NLGN1: variants seen among roughly 807,000 people sequenced by gnomAD.
NLGN1 encodes neuroligin 1.
A neutral mutation model predicts 65.5 loss-of-function variants in NLGN1; 12 were observed. The ratio of observed to expected loss-of-function variants is 0.18; its 90% CI spans 0.12 to 0.30. The LOEUF (loss-of-function observed/expected upper bound fraction) is 0.30. Ranked by LOEUF, NLGN1 falls within the 10% of genes least tolerant of loss-of-function variation. The pLI is 1.00. For missense variants in NLGN1, 750 were observed against 1,007.1 expected (o/e 0.74, Z 3.46); for synonymous variants, 350 against 359.5 (o/e 0.97, Z 0.30).
intron 4 of NLGN1, among the ~76,000 whole-genome samples, chr3:174,245,596 A>AATAG (rs941713184): frequency 2.0e-5 from 3 of 152,186 alleles, no homozygotes; most frequent in Non-Finnish European, 4.4e-5. Flanking sequence ...ACAGTAACCA[A>AATAG]ATAGATACAT....
chr3:174,000,202 C>A (rs1004743963), intron 4 of NLGN1, among the ~76,000 whole-genome samples: 2 of 152,030 alleles, frequency 1.3e-5, no homozygotes, highest in African/African-American at 4.8e-5. Context: ...TTTCCAGGTT[C>A]CATTTTTTTA....
intron 3 of NLGN1, among the ~76,000 whole-genome samples, chr3:173,732,873 C>G (rs1291460274): frequency 6.6e-6 from 1 of 151,796 alleles, no homozygotes; most frequent in Non-Finnish European, 1.5e-5. Context: ...TTGAAAGTTT[C>G]ATGTATTATA....
intron 3 of NLGN1, among the ~76,000 whole-genome samples, chr3:173,702,267 A>G (rs953255872): frequency 6.6e-6 from 1 of 151,666 alleles, no homozygotes; most frequent in Non-Finnish European, 1.5e-5. Context: ...AAGAGTTTTC[A>G]AGTGTAATAA....
At chr3:174,022,782 T>G (rs1728017049) in intron 4 of NLGN1, among the ~76,000 whole-genome samples, 1 of 152,096 alleles carries the variant, frequency 6.6e-6, no homozygotes. Context: ...CCCAAGAGCC[T>G]TTGAATCTGC....
chr3:173,432,602 A>T (rs139909205), intron 1 of NLGN1, among the ~76,000 whole-genome samples: 7 of 152,024 alleles, frequency 4.6e-5, no homozygotes, highest in Admixed American at 3.3e-4. Context: ...GAGTTTTAAG[A>T]GTTCCTTGTA....
intron 3 of NLGN1, among the ~76,000 whole-genome samples, chr3:173,667,021 A>G (rs1049191250): frequency 2.6e-5 from 4 of 152,146 alleles, no homozygotes; most frequent in Non-Finnish European, 5.9e-5. Flanking sequence ...AAAAGAATAA[A>G]CATAATCACA....
intron 3 of NLGN1, among the ~76,000 whole-genome samples, chr3:173,693,240 C>T (rs1205024707): frequency 2.0e-5 from 3 of 151,860 alleles, no homozygotes; most frequent in Non-Finnish European, 4.4e-5. Context: ...TAAAGTTAGT[C>T]CTTCATGTAT....
In NLGN1 at chr3:173,925,194, A is replaced by G. The variant is rs142642758; in HGVS notation, c.646+117362A>G. The stretch of plus-strand genomic sequence containing the variant: ...GAAATTCACATTTGTAGATGTTAGT[A>G]ATGTTATCCATTTTTAAGTACTTAA... On this transcript the variant is annotated intron_variant, in intron 4 of 6. Coordinates refer to ENST00000457714, the Ensembl canonical transcript of NLGN1. Among the ~76,000 whole-genome samples the G allele has an allele frequency of 3.3e-3, 496 of 152,278 alleles. 2 individuals are homozygous for G. Among genetic ancestry groups the G allele is most frequent in the African/African-American group, 0.011 (467 of 41,560 alleles).
At chr3:173,512,430 C>T (rs1733127934) in intron 2 of NLGN1, among the ~76,000 whole-genome samples, 1 of 152,066 alleles carries the variant, frequency 6.6e-6, no homozygotes, top group Non-Finnish European at 1.5e-5. Context: ...GAAGTCAAGC[C>T]ACCTCTCTCC....
intron 4 of NLGN1, among the ~76,000 whole-genome samples, chr3:174,067,920 C>T (rs566077037): frequency 6.6e-6 from 1 of 152,300 alleles, no homozygotes; most frequent in African/African-American, 2.4e-5. Flanking sequence ...ATCTGTTCTA[C>T]GAATAGCATA....
At chr3:173,462,134 C>T (rs1723513124) in intron 2 of NLGN1, among the ~76,000 whole-genome samples, 1 of 152,142 alleles carries the variant, frequency 6.6e-6, no homozygotes, top group African/African-American at 2.4e-5. Flanking sequence ...CTATAAAAGT[C>T]TTTCAAAGCT....
chr3:173,738,577 C>A (rs564737775), intron 3 of NLGN1, among the ~76,000 whole-genome samples: 1 of 152,072 alleles, frequency 6.6e-6, no homozygotes, highest in African/African-American at 2.4e-5. Context: ...TTTCTAGTTT[C>A]TTGATTCTAT....
At chr3:173,830,756 T>C (rs1016385649) in intron 4 of NLGN1, among the ~76,000 whole-genome samples, 2 of 152,188 alleles carry the variant, frequency 1.3e-5, no homozygotes, top group Non-Finnish European at 2.9e-5. Flanking sequence ...CACCCATAAA[T>C]AATACTAATG....
At chr3:174,262,877 ATG>A (rs1223238293) in intron 4 of NLGN1, among the ~76,000 whole-genome samples, 1 of 104,064 alleles carries the variant, frequency 9.6e-6, no homozygotes, top group East Asian at 2.9e-4. Flanking sequence ...AGATTCTGGT[ATG>A]TTGTGTCTTT....
intron 4 of NLGN1, among the ~76,000 whole-genome samples, chr3:174,219,494 C>A (rs984797020): frequency 6.6e-6 from 1 of 152,140 alleles, no homozygotes; most frequent in Non-Finnish European, 1.5e-5. Flanking sequence ...AGCTAAAGAT[C>A]TGATTGATAA....
chr3:174,269,374 A>G (rs1748907319), intron 4 of NLGN1, among the ~76,000 whole-genome samples: 1 of 151,800 alleles, frequency 6.6e-6, no homozygotes, highest in Non-Finnish European at 1.5e-5. Flanking sequence ...CACCTTTCTA[A>G]TATCTGTTTC....
chr3:174,201,798 T>TAA (rs1478962402), intron 4 of NLGN1, among the ~76,000 whole-genome samples: 1 of 152,182 alleles, frequency 6.6e-6, no homozygotes, highest in Non-Finnish European at 1.5e-5. Flanking sequence ...ATAATGAATC[T>TAA]AAGTATCCAT....
intron 2 of NLGN1, chr3:173,584,938 TTGACGGCG>T (rs1356068294): frequency 1.3e-5 from 2 of 152,132 alleles, no homozygotes; most frequent in Non-Finnish European, 2.9e-5. Context: ...CAGCTTGAAT[TTGACGGCG>T]AAGTGTTGTA....
intron 2 of NLGN1, among the ~76,000 whole-genome samples, chr3:173,554,431 A>G (rs1372126204): frequency 6.6e-6 from 1 of 152,208 alleles, no homozygotes; most frequent in African/African-American, 2.4e-5. Context: ...CAAATGAAAC[A>G]TATCATCATC....
Sources: gnomAD v4.1 joint callset for allele counts (sites outside exome capture counted in the v4.1 genomes callset) on GRCh38, gnomAD v4.1.1 for gene constraint, MANE v1.5 for transcripts, NCBI Gene and HGNC (gene_info 2026-07-23, HGNC 2026-07-21) for gene names.